ZNF273: variants seen among roughly 807,000 people sequenced by gnomAD.
ZNF273 encodes zinc finger protein 9.
In ZNF273, 11 loss-of-function variants were observed where a neutral mutation model predicts 14.9. The ratio of observed to expected loss-of-function variants is 0.74; its 90% confidence interval spans 0.46 to 1.22. The LOEUF (loss-of-function observed/expected upper bound fraction) is 1.22. Among genes scored for constraint, ZNF273 ranks in the 50% most tolerant of loss-of-function variants. ZNF273 has a pLI of 0.00. For missense variants in ZNF273, 577 were observed against 660.6 expected (o/e 0.87, Z 1.39); for synonymous variants, 199 against 223.9 (o/e 0.89, Z 0.99).
At chr7:64,925,259 T>G (rs1479387911) in intron 3 of ZNF273, among the ~76,000 whole-genome samples, 1 of 152,176 alleles carries the variant, frequency 6.6e-6, no homozygotes, top group African/African-American at 2.4e-5. Flanking sequence ...CTCATTTTCT[T>G]TATCTTCTGT....
At chr7:64,911,616 A>G (rs1203015490) in intron 1 of ZNF273, among the ~76,000 whole-genome samples, 2 of 76,014 alleles carry the variant, frequency 2.6e-5, no homozygotes, top group African/African-American at 7.7e-5. Context: ...GTCATTTCTA[A>G]TTGTATTTAT....
At chr7:64,891,544 A>G (rs561353761), downstream of ZNF273, among the ~76,000 whole-genome samples, 32 of 152,304 alleles carry the variant, frequency 2.1e-4, no homozygotes, top group East Asian at 6.0e-3. Flanking sequence ...TTGCCATGTC[A>G]CCCAGACATC....
chr7:64,923,325 T>TTG lies in ZNF273; in HGVS notation c.326-4315_326-4314dup, dbSNP rs562829999. The TTG allele has an allele frequency of 9.0e-5, 41 of 454,142 alleles. 1 individual carries two copies. Among genetic ancestry groups the TTG allele is most frequent in the African/African-American group, 2.2e-4 (11 of 49,878 alleles). The allele number at this position is 454,142 out of a possible 1,614,324, so 28.1% of individuals were successfully genotyped here. A position where few individuals can be genotyped will look rare whatever the true frequency, so the allele number is the denominator to read the frequency against. ...TCCAGTTTTATTGTTGTTGTTTGTT[T>TTG]TGTGTGTGTGTGTGTTTTTTTATTT... On this transcript the variant is annotated intron_variant, in intron 3 of 3. Transcript: ENST00000476120.
chr7:64,910,606 G>A, intron 1 of ZNF273, among the ~76,000 whole-genome samples: 1 of 151,538 alleles, frequency 6.6e-6, no homozygotes, highest in South Asian at 2.1e-4. Context: ...ATAGTTTGAA[G>A]TCTGGTAATG....
At chr7:64,932,398 C>T (rs1289872687), downstream of ZNF273, among the ~76,000 whole-genome samples, 1 of 152,090 alleles carries the variant, frequency 6.6e-6, no homozygotes, top group East Asian at 1.9e-4. Context: ...ACAACCTCCA[C>T]CTCCTGGGTT....
downstream of ZNF273, among the ~76,000 whole-genome samples, chr7:64,892,287 A>C (rs1300568728): frequency 6.6e-6 from 1 of 152,242 alleles, no homozygotes; most frequent in Non-Finnish European, 1.5e-5. Context: ...TAAACACTGG[A>C]ACCAGCTAGA....
chr7:64,911,194 T>A (rs953675481), intron 1 of ZNF273, among the ~76,000 whole-genome samples: 1 of 152,220 alleles, frequency 6.6e-6, no homozygotes, highest in Non-Finnish European at 1.5e-5. Flanking sequence ...GTTTTGTTTA[T>A]GTGATAAATA....
intron 3 of ZNF273, among the ~76,000 whole-genome samples, chr7:64,919,979 T>C (rs1377106275): frequency 1.3e-5 from 2 of 151,898 alleles, no homozygotes; most frequent in East Asian, 3.9e-4. Flanking sequence ...CAATTGACAA[T>C]GGCACAATAT....
downstream of ZNF273, chr7:64,893,986 C>G (rs954219085): frequency 6.6e-6 from 1 of 151,916 alleles, no homozygotes; most frequent in African/African-American, 2.4e-5. Context: ...AAGTTCTTTT[C>G]GTGCTAAAAC....
chr7:64,917,786 C>T, intron 2 of ZNF273, 79 bp downstream of exon 2: 1 of 1,440,694 alleles, frequency 6.9e-7, no homozygotes, highest in Non-Finnish European at 9.3e-7. Flanking sequence ...TTCTGCTTTG[C>T]ATAAATAAAT....
chr7:64,936,957 C>T, the ZNF273 span, among the ~76,000 whole-genome samples: 6 of 152,168 alleles, frequency 3.9e-5, no homozygotes, highest in African/African-American at 1.4e-4. Context: ...TGATGTTGTA[C>T]AGCTACAGGT....
At chr7:64,905,656 C>G (rs1205866957) in intron 1 of ZNF273, among the ~76,000 whole-genome samples, 1 of 152,020 alleles carries the variant, frequency 6.6e-6, no homozygotes, top group Non-Finnish European at 1.5e-5. Context: ...CAAGAACTTG[C>G]AAACTAAAAT....
chr7:64,925,482 G>A lies in ZNF273; in HGVS notation c.326-2172G>A, dbSNP rs1794727649. On this transcript the variant is annotated intron_variant, in intron 3 of 3. Coordinates refer to ENST00000476120, the MANE Select transcript of ZNF273 (RefSeq NM_021148.3). Reference sequence around the variant, plus strand: ...AGACAGAGTCTCGCTCTGTTGCCAAGGCTGGAGTGCAGTGACACAATCTTG... The same window carrying A: ...AGACAGAGTCTCGCTCTGTTGCCAAAGCTGGAGTGCAGTGACACAATCTTG... Among the ~76,000 whole-genome samples the A allele has an allele frequency of 3.3e-5, 5 of 152,166 alleles. 1 individual carries two copies. The South Asian group carries it at 1.0e-3, about 32-fold the overall frequency.
At chr7:64,898,782 G>T (rs1792511997), upstream of ZNF273, among the ~76,000 whole-genome samples, 1 of 152,212 alleles carries the variant, frequency 6.6e-6, no homozygotes, top group African/African-American at 2.4e-5. Context: ...CAGTGGAGGT[G>T]CACCACATTG....
intron 3 of ZNF273, among the ~76,000 whole-genome samples, chr7:64,927,154 G>A (rs1015389169): frequency 1.5e-4 from 23 of 152,146 alleles, no homozygotes; most frequent in African/African-American, 5.6e-4. Context: ...GTCCAATGGC[G>A]TAGTCTCAGC....
At chr7:64,892,423 G>T (rs1792093127), downstream of ZNF273, among the ~76,000 whole-genome samples, 1 of 152,186 alleles carries the variant, frequency 6.6e-6, no homozygotes, top group Admixed American at 6.5e-5. Context: ...TAGAAGAGAA[G>T]CTAGGAATGA....
intron 1 of ZNF273, among the ~76,000 whole-genome samples, chr7:64,910,031 T>TC (rs1367933031): frequency 6.6e-6 from 1 of 152,134 alleles, no homozygotes; most frequent in Non-Finnish European, 1.5e-5. Flanking sequence ...GTTTTTTTTT[T>TC]CTGGCAAACT....
chr7:64,936,740 T>C, the ZNF273 span, among the ~76,000 whole-genome samples: 1 of 152,346 alleles, frequency 6.6e-6, no homozygotes, highest in Admixed American at 6.5e-5. Flanking sequence ...AAACCGGTAC[T>C]TTGTGTTAAA....
At chr7:64,886,878 C>T (rs1791613932) in intron 1 of ZNF273, among the ~76,000 whole-genome samples, 1 of 152,200 alleles carries the variant, frequency 6.6e-6, no homozygotes, top group Non-Finnish European at 1.5e-5. Context: ...AAACATACAT[C>T]ATCACCAATG....
Sources: allele counts gnomAD v4.1 joint callset (sites outside exome capture counted in the v4.1 genomes callset), GRCh38; gene constraint gnomAD v4.1.1; transcripts MANE v1.5; gene names NCBI Gene and HGNC (gene_info 2026-07-23, HGNC 2026-07-21).